Variants in RILPL1 observed in about 807,000 individuals in gnomAD.
RILPL1 encodes the protein RILP-like protein 1.
Under a neutral mutation model 50.3 loss-of-function variants are expected in RILPL1, and 33 were observed. The ratio of observed to expected loss-of-function variants is 0.66; its 90% CI spans 0.50 to 0.88. RILPL1 has a LOEUF of 0.88. Among genes scored for constraint, RILPL1 ranks in the 40% least tolerant of loss-of-function variants. The pLI, the probability that RILPL1 is intolerant of heterozygous loss-of-function variation, is 0.00. For missense variants in RILPL1, 418 were observed against 542.5 expected (o/e 0.77, Z 2.28); for synonymous variants, 205 against 228.6 (o/e 0.90, Z 0.93).
rs1444309632 is a variant in RILPL1 at position 123,492,158 on chromosome 12, G to A, written c.802-6353C>T. On this transcript the variant is annotated intron_variant, in intron 4 of 6. Transcript: ENST00000376874. ...TCATGGTGGCTTGAACCCGGGAGGT[G>A]GAGGTTGCAGTGAACTGAGATTGTG... Among the ~76,000 whole-genome samples, 5 of 151,812 alleles carry A rather than the reference G, an allele frequency of 3.3e-5. No individual in the cohort carries two copies. The East Asian group carries it at 7.7e-4, about 23-fold the overall frequency.
chr12:123,495,491 C>T (rs1208893968), intron 4 of RILPL1, among the ~76,000 whole-genome samples: 1 of 150,612 alleles, frequency 6.6e-6, no homozygotes, highest in African/African-American at 2.4e-5. Flanking sequence ...TCTCCTGCCT[C>T]AGCCTCCCGA....
At chr12:123,505,324 G>A (rs901044857) in intron 2 of RILPL1, among the ~76,000 whole-genome samples, 1 of 152,042 alleles carries the variant, frequency 6.6e-6, no homozygotes, top group Non-Finnish European at 1.5e-5. Context: ...GAGCCACTGC[G>A]CCCAGCCTGT....
At chr12:123,530,401 A>G (rs955974770) in intron 1 of RILPL1, among the ~76,000 whole-genome samples, 7 of 152,292 alleles carry the variant, frequency 4.6e-5, no homozygotes, top group Non-Finnish European at 8.8e-5. Context: ...CCTGACCTCA[A>G]GTGATCCACC....
intron 2 of RILPL1, among the ~76,000 whole-genome samples, chr12:123,519,005 C>T (rs1193962891): frequency 2.1e-5 from 3 of 142,860 alleles, no homozygotes; most frequent in East Asian, 2.0e-4. Context: ...TGCAGTGAGC[C>T]GAGATTGCCC....
intron 6 of RILPL1, among the ~76,000 whole-genome samples, chr12:123,481,358 C>CAA (rs1250502610): frequency 1.3e-4 from 14 of 107,018 alleles, no homozygotes; most frequent in East Asian, 3.0e-4. Flanking sequence ...GACTCCCTCT[C>CAA]AAAAAAAAAA....
chr12:123,491,862 C>T lies in RILPL1; in HGVS notation c.802-6057G>A, dbSNP rs1882709830. Among the ~76,000 whole-genome samples the T allele has an allele frequency of 6.6e-6, 1 of 151,784 alleles. No individual in the cohort carries two copies. The highest frequency in any genetic ancestry group is 1.5e-5 in the Non-Finnish European group (1 of 67,972). On this transcript the variant is annotated intron_variant, in intron 4 of 6. Coordinates refer to ENST00000376874, the MANE Select transcript of RILPL1 (RefSeq NM_178314.5). The surrounding 1 kb of genome is among the most constrained non-coding windows in gnomAD (Gnocchi z 4.0). Reference sequence around the variant, plus strand: ...TCTACTAAAAATACACAAAAATGAGCTGGGTGTGGTGGCGCACACCTGTAA... The same window carrying T: ...TCTACTAAAAATACACAAAAATGAGTTGGGTGTGGTGGCGCACACCTGTAA...
chr12:123,497,443 C>T (rs1481240945), intron 4 of RILPL1, among the ~76,000 whole-genome samples: 2 of 152,066 alleles, frequency 1.3e-5, no homozygotes, highest in Non-Finnish European at 2.9e-5. Flanking sequence ...GGCTGGAGTG[C>T]GGTGGTGCAA....
In RILPL1 at chr12:123,501,652, C is replaced by T. The variant is rs1883394060; in HGVS notation, c.461-2116G>A. On this transcript the variant is annotated intron_variant, in intron 2 of 6. Coordinates refer to ENST00000376874, the MANE Select transcript of RILPL1 (RefSeq NM_178314.5). ...GTGAGCGCCTGTAGTCCCAGCTACTCGGGAGGCTGAGGCAGGAGACTCGCT... is the reference window on the plus strand; with the variant it reads ...GTGAGCGCCTGTAGTCCCAGCTACTTGGGAGGCTGAGGCAGGAGACTCGCT... 2.7e-5 allele frequency among the ~76,000 whole-genome samples: 4 copies of T among 148,014 alleles called. 1 individual carries two copies. The highest frequency in any genetic ancestry group is 2.0e-4 in the Admixed American group (3 of 14,754).
chr12:123,506,882 G>A (rs191118737), intron 2 of RILPL1, among the ~76,000 whole-genome samples: 18 of 152,270 alleles, frequency 1.2e-4, no homozygotes, highest in African/African-American at 2.9e-4. Flanking sequence ...ATGACCACTC[G>A]GGTTTCTTCT....
intron 2 of RILPL1, among the ~76,000 whole-genome samples, chr12:123,514,921 AATAC>A (rs1212866906): frequency 4.7e-5 from 7 of 150,206 alleles, no homozygotes; most frequent in African/African-American, 7.5e-5. Context: ...CCAAACAATA[AATAC>A]ATAAATACTT....
At chr12:123,513,172 C>T (rs989653676) in intron 2 of RILPL1, among the ~76,000 whole-genome samples, 4 of 149,470 alleles carry the variant, frequency 2.7e-5, no homozygotes, top group African/African-American at 7.4e-5. Context: ...GTGTGTGTGG[C>T]GTGTGTGAGT....
At chr12:123,503,311 C>T in intron 2 of RILPL1, among the ~76,000 whole-genome samples, 1 of 145,396 alleles carries the variant, frequency 6.9e-6, no homozygotes, top group Non-Finnish European at 1.5e-5. Flanking sequence ...AGCGATTCTT[C>T]TGCCTCAGCC....
chr12:123,488,402 C>T (rs1282565979), intron 4 of RILPL1, among the ~76,000 whole-genome samples: 1 of 148,658 alleles, frequency 6.7e-6, no homozygotes, highest in Non-Finnish European at 1.5e-5. Flanking sequence ...GACTGTGCCA[C>T]TGCACTTAAG....
rs36045938 is a variant in RILPL1 at position 123,490,750 on chromosome 12, CTT to C, written c.802-4947_802-4946del. ...ATTGTGTCTGGCCCCAAAGTCCTGA[CTT>C]TTTTTTTTTTTTTTTGAGACAGAGT... On this transcript the variant is annotated intron_variant, in intron 4 of 6. Transcript: ENST00000376874. Among the ~76,000 whole-genome samples the C allele has an allele frequency of 6.9e-3, 913 of 132,712 alleles. 9 individuals are homozygous for C. The highest frequency in any genetic ancestry group is 0.024 in the African/African-American group (844 of 35,510). 87.1% of individuals were successfully genotyped at this position (132,712 alleles called of 152,430 possible).
chr12:123,485,939 G>A lies in RILPL1; in HGVS notation c.802-134C>T, dbSNP rs758700996. The stretch of plus-strand genomic sequence containing the variant: ...GTGGAGGGTGCTATTTTCAGCACTC[G>A]CAGGCGGCCCTTGCTCACGTTCTGT... On this transcript the variant is annotated intron_variant, in intron 4 of 6. Coordinates refer to ENST00000376874, the MANE Select transcript of RILPL1 (RefSeq NM_178314.5). This position sits in a 1 kb window ranked among gnomAD's most constrained non-coding sequence, Gnocchi z 4.0. 1.8e-5 allele frequency: 15 copies of A among 840,320 alleles called. No homozygotes were observed. Among genetic ancestry groups the A allele is most frequent in the South Asian group, 4.0e-5 (2 of 50,086 alleles). The allele number at this position is 840,320 out of a possible 1,614,324, so 52.1% of individuals were successfully genotyped here. A position where few individuals can be genotyped will look rare whatever the true frequency, so the allele number is the denominator to read the frequency against.
intron 1 of RILPL1, among the ~76,000 whole-genome samples, chr12:123,527,151 CAA>C (rs1362497282): frequency 6.6e-6 from 1 of 151,876 alleles, no homozygotes; most frequent in Non-Finnish European, 1.5e-5. Flanking sequence ...GGCAACATGG[CAA>C]AACTCTGTCT....
chr12:123,496,912 C>T (rs547256504), intron 4 of RILPL1, among the ~76,000 whole-genome samples: 6 of 152,240 alleles, frequency 3.9e-5, no homozygotes, highest in Non-Finnish European at 1.5e-5. Flanking sequence ...CCATCGTCCC[C>T]AAAGGGAACT....
At chr12:123,488,459 A>G (rs1457596238) in intron 4 of RILPL1, among the ~76,000 whole-genome samples, 2 of 151,818 alleles carry the variant, frequency 1.3e-5, no homozygotes, top group African/African-American at 4.8e-5. Context: ...AAAAAAAAAA[A>G]AAAAGAAGAA....
intron 2 of RILPL1, among the ~76,000 whole-genome samples, chr12:123,504,134 T>C (rs1883584131): frequency 6.6e-6 from 1 of 152,072 alleles, no homozygotes; most frequent in African/African-American, 2.4e-5. Flanking sequence ...CTTCCGTAGG[T>C]GCTGGGGCTG....
Sources: gnomAD v4.1 joint callset for allele counts (sites outside exome capture counted in the v4.1 genomes callset) on GRCh38, gnomAD v4.1.1 for gene constraint, Gnocchi (gnomAD v3.1) non-coding constraint, MANE v1.5 for transcripts, NCBI Gene and HGNC (gene_info 2026-07-23, HGNC 2026-07-21) for gene names.